ZFP69B: variants seen among roughly 807,000 people sequenced by gnomAD.
ZFP69B encodes the protein ZFP69 zinc finger protein B, also known as zinc finger protein 69 homolog B.
ZFP69B carries 20 observed loss-of-function variants against 19.7 expected under a neutral mutation model. That is an observed-to-expected ratio of 1.02 (90% CI 0.71 to 1.48). ZFP69B has a LOEUF of 1.48. Ranked by LOEUF, ZFP69B falls within the 40% of genes most tolerant of loss-of-function variation. ZFP69B has a pLI of 0.00. For synonymous variants in ZFP69B, 220 were observed against 222.7 expected (o/e 0.99, Z 0.11); for missense variants, 583 against 632.6 (o/e 0.92, Z 0.84).
Position 40,454,297 on chromosome 1 carries a change from G to C in ZFP69B, c.213+9G>C. On this transcript the variant is annotated intron_variant, in intron 2 of 4. Transcript: ENST00000361584. ...TGACAGCAGAATCCCAGGTGGGTTG[G>C]AGTTTCTGGTCACTTTCTTGACATT... is the stretch of plus-strand genomic sequence containing the variant. 22 of 1,557,094 alleles carry C rather than the reference G, an allele frequency of 1.4e-5. No homozygotes were observed. Among genetic ancestry groups the C allele is most frequent in the Non-Finnish European group, 1.9e-5 (22 of 1,148,736 alleles).
rs1338991654 is a variant in ZFP69B at position 40,450,871 on chromosome 1, C to T, written c.-91C>T. 2 of 1,360,888 alleles carry T rather than the reference C, an allele frequency of 1.5e-6. No homozygotes were observed. The highest frequency in any genetic ancestry group is 6.2e-5 in the Admixed American group (2 of 32,414). The allele number at this position is 1,360,888 out of a possible 1,614,324, so 84.3% of individuals were successfully genotyped here. A position where few individuals can be genotyped will look rare whatever the true frequency, so the allele number is the denominator to read the frequency against. Reference sequence around the variant, plus strand: ...GAGATCGGTACAATTGGGAAGCCTCCTGTCAGAGCTTCCAGCAATTTCCTC... The same window carrying T: ...GAGATCGGTACAATTGGGAAGCCTCTTGTCAGAGCTTCCAGCAATTTCCTC... On this transcript the variant is annotated 5_prime_UTR_variant, in exon 1 of 5. Transcript: ENST00000361584.
Position 40,463,675 on chromosome 1 carries a change from T to C in ZFP69B, c.*86T>C. On this transcript the variant is annotated 3_prime_UTR_variant, in exon 5 of 5. Transcript: ENST00000361584. ...GATCCCTCAAAAATCCATTTGTTTT[T>C]GGATTTCCAAAAACGAACATTAAAA... 7.7e-7 allele frequency: 1 copy of C among 1,305,356 alleles called. No individual in the cohort carries two copies. The highest frequency in any genetic ancestry group is 1.6e-5 in the South Asian group (1 of 61,740). The allele number at this position is 1,305,356 out of a possible 1,614,324, so 80.9% of individuals were successfully genotyped here. A position where few individuals can be genotyped will look rare whatever the true frequency, so the allele number is the denominator to read the frequency against.
intron 1 of ZFP69B, among the ~76,000 whole-genome samples, chr1:40,453,862 ACT>A (rs1191035368): frequency 6.6e-6 from 1 of 152,150 alleles, no homozygotes; most frequent in Non-Finnish European, 1.5e-5. Flanking sequence ...ACAGAGCAAT[ACT>A]CTGTCTCAAA....
intron 4 of ZFP69B, among the ~76,000 whole-genome samples, chr1:40,459,014 G>A (rs1645259150): frequency 6.6e-6 from 1 of 152,174 alleles, no homozygotes; most frequent in Non-Finnish European, 1.5e-5. Flanking sequence ...GTCTAAGGTG[G>A]TTCACATCAC....
chr1:40,458,331 CT>C (rs1050726926), intron 4 of ZFP69B, among the ~76,000 whole-genome samples: 10 of 152,012 alleles, frequency 6.6e-5, no homozygotes, highest in African/African-American at 2.4e-4. Context: ...TCTCTCATTG[CT>C]TTTTCAGTGT....
At chr1:40,451,737 G>T (rs1435987182) in intron 1 of ZFP69B, among the ~76,000 whole-genome samples, 1 of 151,970 alleles carries the variant, frequency 6.6e-6, no homozygotes, top group African/African-American at 2.4e-5. Context: ...TTATGGGAAT[G>T]AATGTGCATT....
chr1:40,457,032 G>A lies in ZFP69B; in HGVS notation c.301G>A (p.Glu101Lys), dbSNP rs1645239887. The A allele has an allele frequency of 6.2e-7, 1 of 1,612,010 alleles. No homozygotes were observed. Among genetic ancestry groups the A allele is most frequent in the African/African-American group, 1.3e-5 (1 of 74,852 alleles). The change falls in exon 3 of 5, where the codon GAG becomes AAG. Residue 101 changes from glutamate to lysine, a missense_variant. Glu to Lys is a moderately conservative substitution (Grantham distance 56). Coordinates refer to ENST00000361584, the MANE Select transcript of ZFP69B (RefSeq NM_023070.3). ...CCCTGCTCACCGGAATCTGTACCGG[G>A]AGGTGATGCTGGAGAACTATGGGAA... The part of the protein sequence containing the change: ...LAPAHRNLYR[E>K]VMLENYGNLV...
Position 40,463,580 on chromosome 1 carries a change from T to C in ZFP69B, c.1596T>C (p.Asn532=). Residue 532 remains asparagine, a synonymous_variant, in exon 5 of 5, where the codon AAT becomes AAC. Coordinates refer to ENST00000361584, the MANE Select transcript of ZFP69B (RefSeq NM_023070.3). ...CKTHLRNTFS[N]VV ...CACATTTAAGAAATACCTTCAGCAA[T>C]GTTGTGTGAAATATACTAAACATCA... is the stretch of plus-strand genomic sequence containing the variant. The C allele has an allele frequency of 6.2e-7, 1 of 1,602,948 alleles. No homozygotes were observed. The highest frequency in any genetic ancestry group is 1.1e-5 in the South Asian group (1 of 89,314).
upstream of ZFP69B, among the ~76,000 whole-genome samples, chr1:40,450,385 C>T (rs1645173210): frequency 6.6e-6 from 1 of 152,180 alleles, no homozygotes; most frequent in African/African-American, 2.4e-5. Flanking sequence ...AGCGGTTTCG[C>T]GGTTTGCTAC....
intron 4 of ZFP69B, among the ~76,000 whole-genome samples, chr1:40,458,164 G>A (rs1645251160): frequency 6.6e-6 from 1 of 152,194 alleles, no homozygotes; most frequent in South Asian, 2.1e-4. Context: ...CTACTACTTG[G>A]TGGACTCAAT....
At chr1:40,451,660 G>GC (rs1557501925) in intron 1 of ZFP69B, among the ~76,000 whole-genome samples, 1 of 146,816 alleles carries the variant, frequency 6.8e-6, no homozygotes, top group African/African-American at 2.5e-5. Context: ...ACGTGGGGGG[G>GC]GGGGAATTCA....
intron 1 of ZFP69B, 106 bp downstream of exon 1, chr1:40,451,194 A>C: frequency 7.5e-7 from 1 of 1,335,968 alleles, no homozygotes; most frequent in East Asian, 3.0e-5. Flanking sequence ...GAGTGGGTGG[A>C]GGGTTTCCGG....
At position 40,452,799 on chromosome 1, in the gene ZFP69B, GTAT is replaced by G. The variant is rs1254538162; in HGVS notation, c.128-1400_128-1398del. Among the ~76,000 whole-genome samples the G allele has an allele frequency of 3.3e-5, 5 of 152,290 alleles. No individual in the cohort carries two copies. The South Asian group carries it at 6.2e-4, about 19-fold the overall frequency. ...CTTATTTGAAATATTTAGGGATAAA[GTAT>G]TATGATGCAGACGACTTTGAAGTGC... is the stretch of plus-strand genomic sequence containing the variant. On this transcript the variant is annotated intron_variant, in intron 1 of 4. Coordinates refer to ENST00000361584, the MANE Select transcript of ZFP69B (RefSeq NM_023070.3).
At position 40,454,181 on chromosome 1, in the gene ZFP69B, C is replaced by T. The variant is rs187616785; in HGVS notation, c.128-22C>T. On this transcript the variant is annotated intron_variant, in intron 1 of 4. Transcript: ENST00000361584. ...GGGTGATTTGGGGAGATGCAAACCT[C>T]ATGGCTCTTTTCCTTCCCCAGCTCT... 1.9e-4 allele frequency: 295 copies of T among 1,570,204 alleles called. 1 individual carries two copies. The African/African-American group carries it at 3.4e-3, about 18-fold the overall frequency.
At chr1:40,455,853 G>A (rs1645227739) in intron 2 of ZFP69B, among the ~76,000 whole-genome samples, 2 of 152,068 alleles carry the variant, frequency 1.3e-5, no homozygotes, top group South Asian at 2.1e-4. Context: ...GAGAACATCC[G>A]GTGTTTTGTT....
intron 1 of ZFP69B, among the ~76,000 whole-genome samples, chr1:40,453,004 A>G (rs11208169): frequency 0.092 from 12,542 of 135,818 alleles, 704 homozygotes; most frequent in East Asian, 0.23. Flanking sequence ...CCTGTCACCC[A>G]AGCCGGAGTT....
In ZFP69B at chr1:40,463,408, A is replaced by G. The variant is rs748576701; in HGVS notation, c.1424A>G (p.Tyr475Cys). Residue 475 changes from tyrosine (Y) to cysteine (C), a missense_variant, in exon 5 of 5, where the codon TAT becomes TGT. Coordinates refer to ENST00000361584, the MANE Select transcript of ZFP69B (RefSeq NM_023070.3). ...AGAGTCCATACTGGAGTAAAACCTT[A>G]TGAATGCAGTCATTGTGGGAAAGCC... ...HQRVHTGVKP[Y>C]ECSHCGKAFR... 1.4e-5 allele frequency: 23 copies of G among 1,614,064 alleles called. No individual in the cohort carries two copies. The highest frequency in any genetic ancestry group is 1.9e-5 in the Non-Finnish European group (23 of 1,179,952).
intron 4 of ZFP69B, 123 bp downstream of exon 4, chr1:40,457,562 ATC>A (rs1645245730): frequency 9.7e-6 from 7 of 721,442 alleles, no homozygotes; most frequent in Admixed American, 2.7e-5. Context: ...TGATTCTGTT[ATC>A]TCTGTCACCC....
In ZFP69B at chr1:40,463,348, C is replaced by A; in HGVS notation, c.1364C>A (p.Ala455Asp). ...RPYKCKECGK[A>D]FSQRIHLSIH... Reference sequence around the variant, plus strand: ...TATAAATGTAAGGAATGTGGGAAAGCCTTTAGCCAGAGAATACATCTTTCT... The same window carrying A: ...TATAAATGTAAGGAATGTGGGAAAGACTTTAGCCAGAGAATACATCTTTCT... Residue 455 changes from alanine to aspartate, a missense_variant, in exon 5 of 5, where the codon GCC becomes GAC. By Grantham distance (126) the Ala-to-Asp change is moderately radical (BLOSUM62 -2). Transcript: ENST00000361584. 6.2e-7 allele frequency: 1 copy of A among 1,614,108 alleles called. No individual in the cohort carries two copies. Among genetic ancestry groups the A allele is most frequent in the Non-Finnish European group, 8.5e-7 (1 of 1,180,030 alleles).
Sources: allele counts gnomAD v4.1 joint callset (sites outside exome capture counted in the v4.1 genomes callset), GRCh38; gene constraint gnomAD v4.1.1; transcripts MANE v1.5; gene names NCBI Gene and HGNC (gene_info 2026-07-23, HGNC 2026-07-21).